SLC4A4: variants seen among roughly 807,000 people sequenced by gnomAD.
SLC4A4 encodes the protein solute carrier family 4 member 4.
Under a neutral mutation model 111.5 loss-of-function variants are expected in SLC4A4, and 27 were observed. That is an observed-to-expected ratio of 0.24 (90% CI 0.18 to 0.33). The LOEUF is 0.33. SLC4A4 is among the 10% of genes least tolerant of loss of function. The pLI is 1.00. For missense variants in SLC4A4, 909 were observed against 1,315.5 expected (o/e 0.69, Z 4.78); for synonymous variants, 443 against 463.4 (o/e 0.96, Z 0.57).
At chr4:71,125,998 G>A (rs1560733160) in intron 2 of SLC4A4, among the ~76,000 whole-genome samples, 1 of 152,058 alleles carries the variant, frequency 6.6e-6, no homozygotes, top group African/African-American at 2.4e-5. Flanking sequence ...TATTTTGTTA[G>A]CTGCATCTTT....
intron 2 of SLC4A4, among the ~76,000 whole-genome samples, chr4:71,095,120 A>G (rs759099119): frequency 2.0e-5 from 3 of 152,110 alleles, no homozygotes; most frequent in South Asian, 2.1e-4. Context: ...TAAACTTTTC[A>G]TGGTAAGCAT....
At position 71,114,631 on chromosome 4, in the gene SLC4A4, A is replaced by G. The variant is rs533536904; in HGVS notation, c.-2+21839A>G. ...CAGAGAAATGCAAATCAAAACCACA[A>G]TGAGCTACCATCTCACACCAGTTAG... On this transcript the variant is annotated intron_variant, in intron 2 of 26. Transcript: ENST00000649996. 5.1e-4 allele frequency among the ~76,000 whole-genome samples: 77 copies of G among 150,658 alleles called. No homozygotes were observed. In the East Asian group the frequency reaches 0.014, roughly 27 times the overall value.
At chr4:71,122,872 G>A (rs753791466) in intron 2 of SLC4A4, among the ~76,000 whole-genome samples, 11 of 152,176 alleles carry the variant, frequency 7.2e-5, no homozygotes, top group Non-Finnish European at 1.0e-4. Flanking sequence ...ATGAACAGGT[G>A]ACTAAGAAAC....
chr4:71,465,038 G>A (rs949928840), intron 12 of SLC4A4, among the ~76,000 whole-genome samples: 3 of 152,124 alleles, frequency 2.0e-5, no homozygotes, highest in African/African-American at 7.2e-5. Context: ...CTGACAGATG[G>A]ATAGGTTAAC....
chr4:71,547,850 C>G, intron 20 of SLC4A4, 130 bp downstream of exon 20: 1 of 805,674 alleles, frequency 1.2e-6, no homozygotes, highest in South Asian at 1.4e-5. Context: ...AAGCAGGGGT[C>G]AAGTAGAAAG....
chr4:71,125,182 A>G (rs1000560669), intron 2 of SLC4A4, among the ~76,000 whole-genome samples: 3 of 152,242 alleles, frequency 2.0e-5, no homozygotes, highest in South Asian at 4.1e-4. Context: ...TCAGGAAAGA[A>G]AACACAGATT....
At chr4:71,353,740 A>G (rs1730050567) in intron 5 of SLC4A4, among the ~76,000 whole-genome samples, 3 of 152,180 alleles carry the variant, frequency 2.0e-5, no homozygotes, top group Admixed American at 6.5e-5. Flanking sequence ...ATATCAACAA[A>G]TGAGAAGAAA....
At chr4:71,281,918 C>G (rs1384388166) in intron 3 of SLC4A4, among the ~76,000 whole-genome samples, 1 of 149,888 alleles carries the variant, frequency 6.7e-6, no homozygotes, top group Non-Finnish European at 1.5e-5. Flanking sequence ...TCTCTTTTTT[C>G]TCTTTCTTTT....
At chr4:71,466,800 C>T (rs1011549821) in intron 13 of SLC4A4, among the ~76,000 whole-genome samples, 1 of 151,960 alleles carries the variant, frequency 6.6e-6, no homozygotes, top group Non-Finnish European at 1.5e-5. Context: ...TTGCTCCCTT[C>T]CCACTTACTC....
chr4:71,346,818 A>G (rs1313923992), intron 4 of SLC4A4, among the ~76,000 whole-genome samples: 1 of 152,182 alleles, frequency 6.6e-6, no homozygotes, highest in Non-Finnish European at 1.5e-5. Context: ...AAGTATAATC[A>G]GTTCCTTAAA....
At chr4:71,170,325 A>C (rs909265138) in intron 2 of SLC4A4, among the ~76,000 whole-genome samples, 2 of 152,202 alleles carry the variant, frequency 1.3e-5, no homozygotes, top group African/African-American at 4.8e-5. Flanking sequence ...CTTGTGTATA[A>C]TAGGCATTCC....
At chr4:71,434,344 A>G (rs1262410574) in intron 7 of SLC4A4, 1 of 156,362 alleles carries the variant, frequency 6.4e-6, no homozygotes, top group Non-Finnish European at 1.4e-5. Flanking sequence ...TTTTTAAAAT[A>G]AAATGATTGC....
intron 14 of SLC4A4, among the ~76,000 whole-genome samples, chr4:71,480,391 A>C (rs575544418): frequency 2.0e-5 from 3 of 151,568 alleles, no homozygotes; most frequent in African/African-American, 7.3e-5. Context: ...AAAAAGAAAA[A>C]CTTACTACTG....
At chr4:71,485,383 A>G (rs28532290) in intron 14 of SLC4A4, among the ~76,000 whole-genome samples, 20,761 of 151,610 alleles carry the variant, frequency 0.14, 1,777 homozygotes, top group South Asian at 0.3. Flanking sequence ...TCCTGCATCT[A>G]TTGAGATAAT....
intron 3 of SLC4A4, among the ~76,000 whole-genome samples, chr4:71,312,953 TATTCA>T (rs58542704): frequency 0.32 from 49,048 of 151,588 alleles, 9,754 homozygotes; most frequent in South Asian, 0.56. Context: ...AAATAAAGGG[TATTCA>T]ATTCAAATAG....
intron 22 of SLC4A4, among the ~76,000 whole-genome samples, chr4:71,559,250 A>G (rs1736744969): frequency 6.6e-6 from 1 of 151,874 alleles, no homozygotes; most frequent in Non-Finnish European, 1.5e-5. Context: ...TATTAATTTT[A>G]ATATAGAATA....
chr4:71,390,128 G>T (rs1719125349), intron 6 of SLC4A4, among the ~76,000 whole-genome samples: 1 of 151,952 alleles, frequency 6.6e-6, no homozygotes, highest in Non-Finnish European at 1.5e-5. Context: ...TTCACGGGAT[G>T]GGGAAGCTCT....
intron 2 of SLC4A4, among the ~76,000 whole-genome samples, chr4:71,155,504 C>A (rs1471926915): frequency 6.6e-6 from 1 of 152,008 alleles, no homozygotes; most frequent in Non-Finnish European, 1.5e-5. Context: ...GTTCTGTTAC[C>A]CAGGCTGGAG....
intron 7 of SLC4A4, among the ~76,000 whole-genome samples, chr4:71,440,112 G>A (rs893771002): frequency 1.3e-5 from 2 of 151,772 alleles, no homozygotes; most frequent in African/African-American, 2.4e-5. Flanking sequence ...TTCTTCAGAG[G>A]CCTTCCCCTA....
Sources: gnomAD v4.1 joint callset for allele counts (sites outside exome capture counted in the v4.1 genomes callset) on GRCh38, gnomAD v4.1.1 for gene constraint, MANE v1.5 for transcripts, NCBI Gene and HGNC (gene_info 2026-07-23, HGNC 2026-07-21) for gene names.